DLC1: variants seen among roughly 807,000 people sequenced by gnomAD.
DLC1 encodes rho GTPase-activating protein 7.
In DLC1, 54 loss-of-function variants were observed where a neutral mutation model predicts 140.3. The observed-to-expected ratio is 0.38, with a 90% CI of 0.31 to 0.48. The LOEUF is 0.48. DLC1 is among the 20% of genes least tolerant of loss of function. The pLI, the probability that DLC1 is intolerant of heterozygous loss-of-function variation, is 0.96. For missense variants in DLC1, 2,536 were observed against 1,907.0 expected, an observed-to-expected ratio of 1.33 and a Z score of -6.14; for synonymous variants, 986 against 728.1, an observed-to-expected ratio of 1.35 and a Z score of -5.70.
chr8:13,161,269 G>A (rs1202869691), intron 5 of DLC1, among the ~76,000 whole-genome samples: 1 of 152,222 alleles, frequency 6.6e-6, no homozygotes, highest in African/African-American at 2.4e-5. Context: ...CAGTAAACCT[G>A]ACGATTCTAA....
intron 5 of DLC1, among the ~76,000 whole-genome samples, chr8:13,176,181 A>C (rs1825748696): frequency 6.6e-6 from 1 of 152,216 alleles, no homozygotes; most frequent in Non-Finnish European, 1.5e-5. Flanking sequence ...TTCTAAAGCA[A>C]ATTTTTATTA....
At chr8:13,238,933 G>A (rs1466492238) in intron 5 of DLC1, among the ~76,000 whole-genome samples, 3 of 152,190 alleles carry the variant, frequency 2.0e-5, no homozygotes, top group Non-Finnish European at 4.4e-5. Context: ...TGGTGTGGGG[G>A]GTGTAGGGGG....
intron 1 of DLC1, among the ~76,000 whole-genome samples, chr8:13,506,053 A>G (rs1563406976): frequency 2.8e-5 from 4 of 144,076 alleles, no homozygotes; most frequent in East Asian, 1.9e-4. Context: ...TGATACATAT[A>G]TGTGTGTGTG....
At chr8:13,086,892 G>T (rs1260213822) in intron 16 of DLC1, among the ~76,000 whole-genome samples, 1 of 151,976 alleles carries the variant, frequency 6.6e-6, no homozygotes, top group South Asian at 2.1e-4. Flanking sequence ...GGGCATGGTG[G>T]TGTGCTCCTG....
intron 5 of DLC1, among the ~76,000 whole-genome samples, chr8:13,268,007 T>C (rs1830760952): frequency 6.6e-6 from 1 of 152,166 alleles, no homozygotes; most frequent in Non-Finnish European, 1.5e-5. Flanking sequence ...CAACAATGAC[T>C]TAGGACAATG....
intron 7 of DLC1, among the ~76,000 whole-genome samples, chr8:13,108,253 T>A (rs1041928324): frequency 6.6e-6 from 1 of 152,066 alleles, no homozygotes; most frequent in African/African-American, 2.4e-5. Flanking sequence ...TTTCCTTTTT[T>A]AAAAAAGAAA....
Position 13,219,215 on chromosome 8 carries a change from TATA to T in DLC1, c.1348+86051_1348+86053del, listed in dbSNP as rs1365054749. On this transcript the variant is annotated intron_variant, in intron 5 of 17. Transcript: ENST00000276297. The stretch of plus-strand genomic sequence containing the variant: ...CTATATAAGAATATAATTATATAAT[TATA>T]ATATGAATATAATTATATAATGATA... Among the ~76,000 whole-genome samples, 40 of 133,452 alleles carry T rather than the reference TATA, an allele frequency of 3.0e-4. 1 individual carries two copies. The highest frequency in any genetic ancestry group is 1.1e-3 in the African/African-American group (40 of 35,914). The allele number at this position is 133,452 out of a possible 152,430, so 87.5% of individuals were successfully genotyped here. A position where few individuals can be genotyped will look rare whatever the true frequency, so the allele number is the denominator to read the frequency against.
intron 5 of DLC1, among the ~76,000 whole-genome samples, chr8:13,238,633 A>C (rs1400835636): frequency 1.3e-5 from 2 of 152,102 alleles, no homozygotes; most frequent in East Asian, 3.9e-4. Flanking sequence ...TTCCTTAATC[A>C]GCTCCCCTCC....
chr8:13,424,182 G>A (rs1838447410), intron 2 of DLC1, among the ~76,000 whole-genome samples: 1 of 151,970 alleles, frequency 6.6e-6, no homozygotes, highest in Admixed American at 6.6e-5. Context: ...GTCCTACCTG[G>A]AAAAAATAGA....
intron 2 of DLC1, among the ~76,000 whole-genome samples, chr8:13,447,308 A>C (rs1461765908): frequency 6.6e-6 from 1 of 152,222 alleles, no homozygotes; most frequent in Non-Finnish European, 1.5e-5. Flanking sequence ...TGTTAATATT[A>C]CATAATTCTT....
chr8:13,487,243 T>C (rs554330111), intron 2 of DLC1, among the ~76,000 whole-genome samples: 17 of 152,302 alleles, frequency 1.1e-4, no homozygotes, highest in East Asian at 1.9e-4. Context: ...TTATGACAGA[T>C]ACTGAAAATG....
chr8:13,557,043 G>A (rs540491520), intron 1 of DLC1, among the ~76,000 whole-genome samples: 2 of 152,172 alleles, frequency 1.3e-5, no homozygotes, highest in Non-Finnish European at 2.9e-5. Flanking sequence ...GGGGTCTGAA[G>A]GGTGAGAAGT....
intron 4 of DLC1, among the ~76,000 whole-genome samples, chr8:13,364,653 G>A (rs1835397034): frequency 6.6e-6 from 1 of 152,094 alleles, no homozygotes; most frequent in East Asian, 1.9e-4. Context: ...ACTGGTACAT[G>A]AACCATGCAA....
chr8:13,160,508 C>T (rs1422234966), intron 5 of DLC1, among the ~76,000 whole-genome samples: 1 of 152,144 alleles, frequency 6.6e-6, no homozygotes, highest in African/African-American at 2.4e-5. Context: ...GGCTAGAAGG[C>T]TGGGCATTCC....
At chr8:13,241,369 A>G (rs1175924862) in intron 5 of DLC1, among the ~76,000 whole-genome samples, 1 of 152,206 alleles carries the variant, frequency 6.6e-6, no homozygotes, top group Non-Finnish European at 1.5e-5. Context: ...TCACACATGT[A>G]TAGAAGTTTT....
chr8:13,154,111 C>T lies in DLC1; in HGVS notation c.1349-38454G>A, dbSNP rs186413795. ...CTCAGGGTGGTGATTGGTGTGTTTA[C>T]AATCCTTTAGCTAGACATAAAGGTT... On this transcript the variant is annotated intron_variant, in intron 5 of 17. Transcript: ENST00000276297. Among the ~76,000 whole-genome samples the T allele has an allele frequency of 7.3e-3, 1,106 of 152,322 alleles. 9 individuals carry two copies. The highest frequency in any genetic ancestry group is 0.046 in the South Asian group (223 of 4,820).
intron 5 of DLC1, among the ~76,000 whole-genome samples, chr8:13,277,201 G>A (rs986541169): frequency 1.3e-5 from 2 of 152,124 alleles, no homozygotes; most frequent in African/African-American, 4.8e-5. Context: ...GGTCCCAGCT[G>A]CTTGGGAGGC....
intron 5 of DLC1, among the ~76,000 whole-genome samples, chr8:13,295,081 A>C (rs1484594741): frequency 1.3e-5 from 2 of 152,204 alleles, no homozygotes; most frequent in Non-Finnish European, 2.9e-5. Flanking sequence ...ACCACAGCTC[A>C]GTGGGGAAAA....
At chr8:13,601,103 T>C (rs1475788091) in intron 1 of DLC1, among the ~76,000 whole-genome samples, 1 of 151,774 alleles carries the variant, frequency 6.6e-6, no homozygotes, top group African/African-American at 2.4e-5. Flanking sequence ...CACACCTTCG[T>C]CCCCATTAAT....
Sources: gnomAD v4.1 joint callset for allele counts (sites outside exome capture counted in the v4.1 genomes callset) on GRCh38, gnomAD v4.1.1 for gene constraint, MANE v1.5 for transcripts, NCBI Gene and HGNC (gene_info 2026-07-23, HGNC 2026-07-21) for gene names.